The following ST3GAL4 variants were observed in gnomAD, a reference collection of about 807,000 sequenced individuals.
The protein encoded by ST3GAL4 is ST3 beta-galactoside alpha-2,3-sialyltransferase 4, also known as CMP-N-acetylneuraminate-beta-galactosamide-alpha-2,3-sialyltransferase 4.
ST3GAL4 carries 24 observed loss-of-function variants against 42.6 expected under a neutral mutation model. The ratio of observed to expected loss-of-function variants is 0.56; its 90% confidence interval spans 0.41 to 0.79. The LOEUF is 0.79. Ranked by LOEUF, ST3GAL4 falls within the 30% of genes least tolerant of loss-of-function variation. The probability of loss-of-function intolerance (pLI) is 0.00; values close to 1 mark genes in which losing one functional copy is unlikely to be tolerated. For missense variants in ST3GAL4, 311 were observed against 430.8 expected (o/e 0.72, Z 2.46); for synonymous variants, 135 against 163.2 (o/e 0.83, Z 1.32).
Position 126,366,573 on chromosome 11 carries a change from C to T in ST3GAL4, c.-61+10731C>T, listed in dbSNP as rs905369359. On this transcript the variant is annotated intron_variant, in intron 1 of 10. Coordinates refer to ENST00000444328, the MANE Select transcript of ST3GAL4 (RefSeq NM_001254757.2). This position sits in a 1 kb window ranked among gnomAD's most constrained non-coding sequence, Gnocchi z 4.2. ...CATCTGGGGGCCCTGTTCCACTCTC[C>T]TTCCCGTGTGCAGGGCCCTCCCCTC... Among the ~76,000 whole-genome samples, 20 of 152,192 alleles carry T rather than the reference C, an allele frequency of 1.3e-4. No individual in the cohort carries two copies. Among genetic ancestry groups the T allele is most frequent in the Admixed American group, 1.3e-3 (20 of 15,286 alleles).
In ST3GAL4 at chr11:126,410,519, G is replaced by C. The variant is rs189369728; in HGVS notation, c.771+1108G>C. Among the ~76,000 whole-genome samples the C allele has an allele frequency of 6.6e-6, 1 of 152,306 alleles. No homozygotes were observed. The highest frequency in any genetic ancestry group is 1.5e-5 in the Non-Finnish European group (1 of 68,030). On this transcript the variant is annotated intron_variant, in intron 9 of 10. Coordinates refer to ENST00000444328, the MANE Select transcript of ST3GAL4 (RefSeq NM_001254757.2). The surrounding 1 kb of genome is among the most constrained non-coding windows in gnomAD (Gnocchi z 5.3). Reference sequence around the variant, plus strand: ...GATAATATCCATAATGACCTTTTAAGGCTGTTGTAGGAGTTTGAAAAATAA... The same window carrying C: ...GATAATATCCATAATGACCTTTTAACGCTGTTGTAGGAGTTTGAAAAATAA...
At chr11:126,371,442 C>T (rs1381258614) in intron 1 of ST3GAL4, among the ~76,000 whole-genome samples, 3 of 152,062 alleles carry the variant, frequency 2.0e-5, no homozygotes, top group East Asian at 1.9e-4. Context: ...GGATTATAGG[C>T]GTGAGCCACC....
intron 1 of ST3GAL4, among the ~76,000 whole-genome samples, chr11:126,371,163 C>CTTATTTATTTTTTTTTTTT (rs1555082244): frequency 2.2e-4 from 13 of 59,970 alleles, no homozygotes; most frequent in Non-Finnish European, 3.3e-4. Context: ...CCCCACATTC[C>CTTATTTATTTTTTTTTTTT]TTTTTTTTTT....
chr11:126,388,767 CTTTTTTTTTTTT>C (rs10683946), intron 1 of ST3GAL4, among the ~76,000 whole-genome samples: 1 of 52,056 alleles, frequency 1.9e-5, no homozygotes, highest in Admixed American at 3.1e-4. Flanking sequence ...TTTTCAGTGT[CTTTTTTTTTTTT>C]TTTTTTTTTG....
At chr11:126,389,219 C>T (rs1301717478) in intron 1 of ST3GAL4, among the ~76,000 whole-genome samples, 1 of 152,138 alleles carries the variant, frequency 6.6e-6, no homozygotes, top group Non-Finnish European at 1.5e-5. Context: ...TATTTCTTCA[C>T]TATCTCTATT....
chr11:126,413,402 G>A, intron 9 of ST3GAL4, 103 bp from the exon 10 acceptor site: 1 of 1,454,600 alleles, frequency 6.9e-7, no homozygotes. Flanking sequence ...CGCAGATGGA[G>A]AACGTTTCCG....
Position 126,408,510 on chromosome 11 carries a change from C to T in ST3GAL4, c.627+14C>T. 3 of 1,613,638 alleles carry T rather than the reference C, an allele frequency of 1.9e-6. No individual in the cohort carries two copies. In the South Asian group the frequency reaches 3.3e-5, roughly 18 times the overall value. On this transcript the variant is annotated intron_variant, in intron 8 of 10. Transcript: ENST00000444328. ...GATAAGAAGCGGGTAAGTTGGGGGA[C>T]AGACTGGGGGCTGAGGCCTGGCGGT...
rs1030130106 is a variant in ST3GAL4, at chr11:126,384,113, A to T, written c.-60-21983A>T. Among the ~76,000 whole-genome samples, 1 of 152,086 alleles carries T rather than the reference A, an allele frequency of 6.6e-6. No individual in the cohort carries two copies. Among genetic ancestry groups the T allele is most frequent in the African/African-American group, 2.4e-5 (1 of 41,404 alleles). On this transcript the variant is annotated intron_variant, in intron 1 of 10. Transcript: ENST00000444328. The surrounding 1 kb of genome is among the most constrained non-coding windows in gnomAD (Gnocchi z 5.5). ...TTTAACCCTGCTGGCTCCTAATGGG[A>T]CTAATGGGATTTCAGGTGTGGACCC...
At position 126,376,749 on chromosome 11, in the gene ST3GAL4, T is replaced by C. The variant is rs988652209; in HGVS notation, c.-61+20907T>C. ...CTGATAGTGTGACTAGATGACACAG[T>C]ATTACTCTCTGTTACCACCACCAAT... On this transcript the variant is annotated intron_variant, in intron 1 of 10. Coordinates refer to ENST00000444328, the MANE Select transcript of ST3GAL4 (RefSeq NM_001254757.2). This position sits in a 1 kb window ranked among gnomAD's most constrained non-coding sequence, Gnocchi z 5.1. 6.6e-6 allele frequency: 1 copy of C among 152,234 alleles called. No individual in the cohort carries two copies. The highest frequency in any genetic ancestry group is 2.4e-5 in the African/African-American group (1 of 41,450). 9.4% of individuals were successfully genotyped at this position (152,234 alleles called of 1,614,324 possible). A position where few individuals can be genotyped will look rare whatever the true frequency, so the allele number is the denominator to read the frequency against.
chr11:126,383,221 G>A lies in ST3GAL4; in HGVS notation c.-60-22875G>A, dbSNP rs575498774. 6.6e-6 allele frequency among the ~76,000 whole-genome samples: 1 copy of A among 152,312 alleles called. No individual in the cohort carries two copies. Among genetic ancestry groups the A allele is most frequent in the East Asian group, 1.9e-4 (1 of 5,184 alleles). On this transcript the variant is annotated intron_variant, in intron 1 of 10. Transcript: ENST00000444328. This position sits in a 1 kb window ranked among gnomAD's most constrained non-coding sequence, Gnocchi z 4.5. ...AGGTGCCAGAATCTTTCTGGGAGCT[G>A]AGCCTGGCTGGGCAGAGGGCGAGGA...
intron 1 of ST3GAL4, among the ~76,000 whole-genome samples, chr11:126,374,673 A>G (rs370536309): frequency 4.6e-5 from 7 of 152,236 alleles, no homozygotes; most frequent in African/African-American, 1.7e-4. Context: ...GGTGCTGGCC[A>G]GTAGAGCACG....
intron 1 of ST3GAL4, among the ~76,000 whole-genome samples, chr11:126,402,091 A>AGGCGGG (rs146212978): frequency 1.5e-5 from 2 of 131,674 alleles, no homozygotes; most frequent in Non-Finnish European, 3.2e-5. Context: ...ATTTGGGGGA[A>AGGCGGG]AGAGGGGAGG....
intron 1 of ST3GAL4, among the ~76,000 whole-genome samples, chr11:126,381,147 C>T (rs1421270819): frequency 6.6e-6 from 1 of 152,212 alleles, no homozygotes; most frequent in Non-Finnish European, 1.5e-5. Flanking sequence ...TAGCTTTGCA[C>T]TGTGGCTTTG....
rs1211457237 is a variant in ST3GAL4 at position 126,403,583 on chromosome 11, T to C, written c.-60-2513T>C. On this transcript the variant is annotated intron_variant, in intron 1 of 10. Transcript: ENST00000444328. ...CTCGGAGAGTGGGGCCTAGACTTTA[T>C]ATGTTTAAGCTCCTCAGGTCATTGC... 1.7e-5 allele frequency: 6 copies of C among 357,192 alleles called. No individual in the cohort carries two copies. The South Asian group carries it at 4.4e-4, about 26-fold the overall frequency. The allele number at this position is 357,192 out of a possible 1,614,324, so 22.1% of individuals were successfully genotyped here.
In ST3GAL4 at chr11:126,359,470, T is replaced by C. The variant is rs751772611; in HGVS notation, c.-61+3628T>C. Among the ~76,000 whole-genome samples the C allele has an allele frequency of 2.0e-5, 3 of 152,200 alleles. No individual in the cohort carries two copies. The highest frequency in any genetic ancestry group is 4.4e-5 in the Non-Finnish European group (3 of 68,028). On this transcript the variant is annotated intron_variant, in intron 1 of 10. Coordinates refer to ENST00000444328, the MANE Select transcript of ST3GAL4 (RefSeq NM_001254757.2). The surrounding 1 kb of genome is among the most constrained non-coding windows in gnomAD (Gnocchi z 4.8). ...AGCTAGGACTCAAATCCAGGCTTGCTTCCAAAACCTTCACTTTTCAGCCCA... is the reference window on the plus strand; with the variant it reads ...AGCTAGGACTCAAATCCAGGCTTGCCTCCAAAACCTTCACTTTTCAGCCCA...
chr11:126,388,967 G>A (rs11220466), intron 1 of ST3GAL4, among the ~76,000 whole-genome samples: 25,273 of 151,408 alleles, frequency 0.17, 2,661 homozygotes, highest in East Asian at 0.44. Flanking sequence ...TAGTAGAGAC[G>A]GGGTTTCACC....
intron 1 of ST3GAL4, among the ~76,000 whole-genome samples, chr11:126,387,457 C>T (rs1953271347): frequency 6.6e-6 from 1 of 152,004 alleles, no homozygotes; most frequent in Non-Finnish European, 1.5e-5. Context: ...GCAGGCGTGT[C>T]AGTTGAGCCC....
rs1306390098 is a variant in ST3GAL4, at chr11:126,397,287, G to C, written c.-60-8809G>C. On this transcript the variant is annotated intron_variant, in intron 1 of 10. Transcript: ENST00000444328. This position sits in a 1 kb window ranked among gnomAD's most constrained non-coding sequence, Gnocchi z 5.0. The stretch of plus-strand genomic sequence containing the variant: ...CACAGAGGTCATTTAGGCAAGCTAG[G>C]AAAGCACAGAATGATATAACACAAA... 6.6e-6 allele frequency among the ~76,000 whole-genome samples: 1 copy of C among 152,078 alleles called. No homozygotes were observed. The highest frequency in any genetic ancestry group is 2.4e-5 in the African/African-American group (1 of 41,352).
At chr11:126,402,989 C>T (rs974792631) in intron 1 of ST3GAL4, among the ~76,000 whole-genome samples, 3 of 152,240 alleles carry the variant, frequency 2.0e-5, no homozygotes, top group Non-Finnish European at 4.4e-5. Context: ...CTTTCCCACC[C>T]AGGTACTCTA....
Sources: gnomAD v4.1 joint callset for allele counts (sites outside exome capture counted in the v4.1 genomes callset) on GRCh38, gnomAD v4.1.1 for gene constraint, Gnocchi (gnomAD v3.1) non-coding constraint, MANE v1.5 for transcripts, NCBI Gene and HGNC (gene_info 2026-07-23, HGNC 2026-07-21) for gene names.